Variants in RBM27 observed in about 807,000 individuals in gnomAD.
RBM27 encodes RNA-binding protein 27.
In RBM27, 22 loss-of-function variants were observed where a neutral mutation model predicts 135.3. That is an observed-to-expected ratio of 0.16 (90% CI 0.12 to 0.23). The LOEUF (loss-of-function observed/expected upper bound fraction) is 0.23, where lower values mean the gene tolerates loss of function less well. Among genes scored for constraint, RBM27 ranks in the 10% least tolerant of loss-of-function variants. RBM27 has a pLI of 1.00. For synonymous variants in RBM27, 481 were observed against 442.4 expected (o/e 1.09, Z -1.10); for missense variants, 1,009 against 1,281.0 (o/e 0.79, Z 3.24).
rs140867460 is a variant in RBM27, at chr5:146,261,221, G to A, written c.1894-289G>A. Among the ~76,000 whole-genome samples the A allele has an allele frequency of 4.5e-3, 689 of 152,288 alleles. 7 individuals are homozygous for A. Among genetic ancestry groups the A allele is most frequent in the African/African-American group, 0.016 (659 of 41,540 alleles). On this transcript the variant is annotated intron_variant, in intron 12 of 20. Coordinates refer to ENST00000265271, the MANE Select transcript of RBM27 (RefSeq NM_018989.2). The stretch of plus-strand genomic sequence containing the variant: ...AGTGCTGTCTTCCTCGCTTGCAGAT[G>A]GTTGGCTTCTTGTGTTCTCACATGG...
In RBM27 at chr5:146,230,787, T is replaced by G; in HGVS notation, c.720T>G (p.Val240=). 6.2e-7 allele frequency: 1 copy of G among 1,614,130 alleles called. No homozygotes were observed. ...GGGCACAGTCTATTCCCAGCACTGT[T>G]ACTGTGATCGCACCTGCTCACCACT... is the stretch of plus-strand genomic sequence containing the variant. ...SSGAQSIPST[V]TVIAPAHHSE... Residue 240 remains valine (V), a synonymous_variant, in exon 6 of 21, where the codon GTT becomes GTG. Coordinates refer to ENST00000265271, the MANE Select transcript of RBM27 (RefSeq NM_018989.2).
At chr5:146,241,186 A>G (rs1254452466) in intron 8 of RBM27, among the ~76,000 whole-genome samples, 1 of 152,136 alleles carries the variant, frequency 6.6e-6, no homozygotes. Flanking sequence ...GGCAATTACC[A>G]TTTATTTTTA....
chr5:146,257,608 C>T (rs1203785178), intron 10 of RBM27, among the ~76,000 whole-genome samples: 1 of 152,110 alleles, frequency 6.6e-6, no homozygotes, highest in Non-Finnish European at 1.5e-5. Context: ...AAGTCCTTTA[C>T]CTTATATCTA....
At chr5:146,242,909 T>C (rs13173462) in intron 8 of RBM27, among the ~76,000 whole-genome samples, 32,717 of 152,114 alleles carry the variant, frequency 0.22, 4,308 homozygotes, top group Admixed American at 0.33. Flanking sequence ...CAGTTTTTAA[T>C]ATCTTTCTAT....
intron 3 of RBM27, among the ~76,000 whole-genome samples, chr5:146,226,778 T>G (rs1177204223): frequency 1.3e-5 from 2 of 152,146 alleles, no homozygotes; most frequent in Non-Finnish European, 2.9e-5. Context: ...TTGTGAAAAA[T>G]GGATAATGCC....
intron 8 of RBM27, among the ~76,000 whole-genome samples, chr5:146,238,360 T>C (rs1027264019): frequency 5.9e-5 from 9 of 152,060 alleles, no homozygotes; most frequent in African/African-American, 2.2e-4. Flanking sequence ...AATGCAAAAT[T>C]AGCTGGGCGT....
intron 19 of RBM27, among the ~76,000 whole-genome samples, chr5:146,274,314 T>C (rs1758996167): frequency 6.6e-6 from 1 of 151,998 alleles, no homozygotes; most frequent in Non-Finnish European, 1.5e-5. Flanking sequence ...TGGAGTGTAG[T>C]GGCATGATCT....
intron 1 of RBM27, among the ~76,000 whole-genome samples, chr5:146,213,227 C>T (rs1223383641): frequency 4.6e-5 from 7 of 151,976 alleles, no homozygotes; most frequent in East Asian, 3.9e-4. Context: ...CTCAGCCTCC[C>T]GAGTAGCTGG....
In RBM27 at chr5:146,251,846, C is replaced by T; in HGVS notation, c.1415C>T (p.Ser472Leu). The T allele has an allele frequency of 6.2e-7, 1 of 1,614,164 alleles. No individual in the cohort carries two copies. The highest frequency in any genetic ancestry group is 2.2e-5 in the East Asian group (1 of 44,882). ...LMGSSIGYHT[S>L]VSSPTPLVPD... ...GGATCCTCCATTGGATACCATACCT[C>T]AGTCTCCAGCCCTACCCCTCTGGTT... Residue 472 changes from serine (S) to leucine (L), a missense_variant, in exon 9 of 21, where the codon TCA becomes TTA. Ser to Leu is a moderately radical substitution (Grantham distance 145, BLOSUM62 -2). Transcript: ENST00000265271.
intron 2 of RBM27, among the ~76,000 whole-genome samples, chr5:146,220,529 T>A (rs746340897): frequency 1.3e-5 from 2 of 150,190 alleles, no homozygotes; most frequent in Non-Finnish European, 3.0e-5. Flanking sequence ...GTTGAATGGA[T>A]GAATAGGAAT....
chr5:146,224,566 C>T (rs981641686), intron 3 of RBM27, among the ~76,000 whole-genome samples: 2 of 151,920 alleles, frequency 1.3e-5, no homozygotes, highest in African/African-American at 4.8e-5. Flanking sequence ...TCTGTAATCC[C>T]AGTTACTTGG....
intron 11 of RBM27, 80 bp from the exon 12 acceptor site, chr5:146,260,665 A>G: frequency 7.9e-7 from 1 of 1,265,824 alleles, no homozygotes; most frequent in Non-Finnish European, 1.1e-6. Flanking sequence ...AAAATTATAA[A>G]CCTAAATTCT....
chr5:146,250,770 C>CTTTT (rs58027855), intron 8 of RBM27, among the ~76,000 whole-genome samples: 83 of 72,672 alleles, frequency 1.1e-3, no homozygotes, highest in East Asian at 1.4e-3. Flanking sequence ...TTTTTTTGTC[C>CTTTT]TTTTTTTTTT....
intron 7 of RBM27, among the ~76,000 whole-genome samples, chr5:146,235,411 C>A (rs897774639): frequency 2.6e-5 from 4 of 151,918 alleles, no homozygotes; most frequent in Admixed American, 2.6e-4. Flanking sequence ...CAAAAATTAG[C>A]CAGGCATGTC....
At position 146,204,036 on chromosome 5, in the gene RBM27, T is replaced by TG. The variant is rs370310124; in HGVS notation, c.59+219dup. Among the ~76,000 whole-genome samples, 456 of 135,608 alleles carry TG rather than the reference T, an allele frequency of 3.4e-3. 4 individuals carry two copies. The highest frequency in any genetic ancestry group is 0.012 in the African/African-American group (430 of 35,190). The allele number at this position is 135,608 out of a possible 152,430, so 89.0% of individuals were successfully genotyped here. On this transcript the variant is annotated intron_variant, in intron 1 of 20. Coordinates refer to ENST00000265271, the MANE Select transcript of RBM27 (RefSeq NM_018989.2). ...GGAGAGGCGCCGTGAATATGGGGAC[T>TG]GGGGGGGCAGGCAAGGACAGCGAAG...
intron 1 of RBM27, among the ~76,000 whole-genome samples, chr5:146,205,430 C>A (rs1755595051): frequency 6.6e-6 from 1 of 152,010 alleles, no homozygotes; most frequent in Non-Finnish European, 1.5e-5. Context: ...GAGTGTTTTT[C>A]GGAGGTGAAA....
At chr5:146,264,004 G>A (rs984576729) in intron 14 of RBM27, among the ~76,000 whole-genome samples, 15 of 151,670 alleles carry the variant, frequency 9.9e-5, no homozygotes, top group Non-Finnish European at 1.6e-4. Context: ...CTACCCGGGA[G>A]GCTGAGGCAC....
chr5:146,250,724 A>G (rs1185996396), intron 8 of RBM27, among the ~76,000 whole-genome samples: 1 of 136,694 alleles, frequency 7.3e-6, no homozygotes, highest in Non-Finnish European at 1.6e-5. Context: ...GGATAATTTC[A>G]TGTGTCCAGT....
At chr5:146,276,204 T>C (rs1431288788) in intron 19 of RBM27, among the ~76,000 whole-genome samples, 1 of 152,180 alleles carries the variant, frequency 6.6e-6, no homozygotes, top group African/African-American at 2.4e-5. Context: ...TCGTGTTTTC[T>C]TTTATTTTTT....
Sources: allele counts gnomAD v4.1 joint callset (sites outside exome capture counted in the v4.1 genomes callset), GRCh38; gene constraint gnomAD v4.1.1; transcripts MANE v1.5; gene names NCBI Gene and HGNC (gene_info 2026-07-23, HGNC 2026-07-21).